Variants in TVP23A observed in about 807,000 individuals in gnomAD.
TVP23A encodes the protein trans-golgi network vesicle protein 23 homolog A, also known as Golgi apparatus membrane protein TVP23 homolog A.
A neutral mutation model predicts 31.7 loss-of-function variants in TVP23A; 21 were observed. That is an observed-to-expected ratio of 0.66 (90% CI 0.47 to 0.95). The LOEUF is 0.95. TVP23A is among the 40% of genes least tolerant of loss of function. TVP23A has a pLI of 0.00. For synonymous variants in TVP23A, 104 were observed against 96.0 expected (o/e 1.08, Z -0.49); for missense variants, 279 against 255.6 (o/e 1.09, Z -0.62).
intron 2 of TVP23A, among the ~76,000 whole-genome samples, chr16:10,794,735 G>A (rs2033292126): frequency 6.6e-6 from 1 of 152,240 alleles, no homozygotes; most frequent in Non-Finnish European, 1.5e-5. Flanking sequence ...CTACTCCCCA[G>A]CTAGGTACCT....
At position 10,774,140 on chromosome 16, in the gene TVP23A, A is replaced by G; in HGVS notation, c.235-12T>C. The G allele has an allele frequency of 6.3e-7, 1 of 1,599,108 alleles. No homozygotes were observed. The highest frequency in any genetic ancestry group is 8.5e-7 in the Non-Finnish European group (1 of 1,170,776). ...CTTCCGGTTACATTCTGAGAACAAT[A>G]GACAAAGGACTCTGAGCAGGTCACA... On this transcript the variant is annotated splice_polypyrimidine_tract_variant and intron_variant, in intron 3 of 7. Coordinates refer to ENST00000299866, the MANE Select transcript of TVP23A (RefSeq NM_001079512.4).
At chr16:10,775,391 G>A (rs2031939031) in intron 2 of TVP23A, 1 of 1,174,220 alleles carries the variant, frequency 8.5e-7, no homozygotes, top group Non-Finnish European at 1.1e-6. Flanking sequence ...CATCTTTGAA[G>A]TGAAACGTGA....
At chr16:10,794,402 C>G (rs2033273340) in intron 2 of TVP23A, among the ~76,000 whole-genome samples, 1 of 152,112 alleles carries the variant, frequency 6.6e-6, no homozygotes, top group Admixed American at 6.6e-5. Context: ...CCAGTATGAC[C>G]TCATGTTAAC....
At chr16:10,800,820 C>A (rs945367101) in intron 2 of TVP23A, among the ~76,000 whole-genome samples, 1 of 151,846 alleles carries the variant, frequency 6.6e-6, no homozygotes, top group African/African-American at 2.4e-5. Context: ...CCCATCTCTA[C>A]TAAAAATAAT....
chr16:10,792,777 CA>C (rs759905072), intron 2 of TVP23A, among the ~76,000 whole-genome samples: 16 of 152,196 alleles, frequency 1.1e-4, no homozygotes, highest in Non-Finnish European at 1.8e-4. Flanking sequence ...CTTCTTAATT[CA>C]AAAGACAGCA....
At position 10,767,521 on chromosome 16, in the gene TVP23A, A is replaced by G; in HGVS notation, c.*1581T>C. 1 of 438,008 alleles carries G rather than the reference A, an allele frequency of 2.3e-6. No individual in the cohort carries two copies. Among genetic ancestry groups the G allele is most frequent in the African/African-American group, 2.0e-5 (1 of 49,656 alleles). The allele number at this position is 438,008 out of a possible 1,614,324, so 27.1% of individuals were successfully genotyped here. ...AAGTGTGCACATTTATATGCGCATA[A>G]TCTTTCTGGAAAGACACCTAGAACA... On this transcript the variant is annotated 3_prime_UTR_variant, in exon 8 of 8. Coordinates refer to ENST00000299866, the MANE Select transcript of TVP23A (RefSeq NM_001079512.4). This position sits in a 1 kb window ranked among gnomAD's most constrained non-coding sequence, Gnocchi z 4.6.
chr16:10,818,330 C>T lies in TVP23A; in HGVS notation c.10-148G>A. On this transcript the variant is annotated intron_variant, in intron 1 of 7. Coordinates refer to ENST00000299866, the MANE Select transcript of TVP23A (RefSeq NM_001079512.4). The surrounding 1 kb of genome is among the most constrained non-coding windows in gnomAD (Gnocchi z 4.7). The stretch of plus-strand genomic sequence containing the variant: ...AGCTGGCGGGGCCCCTCCGCTGCGG[C>T]TGCAGTGCAAAGCCCTCTCCACCCT... 2 of 1,360,662 alleles carry T rather than the reference C, an allele frequency of 1.5e-6. No individual in the cohort carries two copies. Among genetic ancestry groups the T allele is most frequent in the Non-Finnish European group, 1.0e-6 (1 of 993,664 alleles). 84.3% of individuals were successfully genotyped at this position (1,360,662 alleles called of 1,614,324 possible).
chr16:10,774,211 T>C (rs1025997166), intron 3 of TVP23A, 83 bp from the exon 4 acceptor site: 48 of 1,047,838 alleles, frequency 4.6e-5, no homozygotes, highest in Non-Finnish European at 6.6e-5. Context: ...AGTTCCTTGA[T>C]TCATTTCAGA....
At chr16:10,757,874 CA>C (rs1392927256), downstream of TVP23A, 3 of 1,613,244 alleles carry the variant, frequency 1.9e-6, no homozygotes, top group East Asian at 4.5e-5. This position sits in a 1 kb window ranked among gnomAD's most constrained non-coding sequence, Gnocchi z 4.1. Flanking sequence ...TCTTTCTAGG[CA>C]TGATCAAGCA....
chr16:10,761,735 C>T (rs756397997), downstream of TVP23A: 8 of 1,585,290 alleles, frequency 5.0e-6, no homozygotes, highest in Non-Finnish European at 2.6e-6. Flanking sequence ...TATGTTTCCT[C>T]CCCTTTGAAT....
At chr16:10,791,390 T>A (rs549550867) in intron 2 of TVP23A, among the ~76,000 whole-genome samples, 1 of 152,204 alleles carries the variant, frequency 6.6e-6, no homozygotes, top group Admixed American at 6.5e-5. Flanking sequence ...GGTATGGGAG[T>A]ACCAACTAAG....
At chr16:10,759,651 C>T (rs753634199), downstream of TVP23A, among the ~76,000 whole-genome samples, 8 of 152,140 alleles carry the variant, frequency 5.3e-5, no homozygotes, top group Non-Finnish European at 1.2e-4. The surrounding 1 kb of genome is among the most constrained non-coding windows in gnomAD (Gnocchi z 4.7). Context: ...TGGTGGGCAC[C>T]TGTAATCCCA....
chr16:10,757,615 A>G (rs1441029679), downstream of TVP23A, among the ~76,000 whole-genome samples: 3 of 152,166 alleles, frequency 2.0e-5, no homozygotes, highest in East Asian at 1.9e-4. This position sits in a 1 kb window ranked among gnomAD's most constrained non-coding sequence, Gnocchi z 4.1. Context: ...ATTCACTCCC[A>G]GTTGAGAGCC....
intron 7 of TVP23A, chr16:10,769,342 C>T (rs1482133639): frequency 2.0e-5 from 9 of 451,650 alleles, no homozygotes; most frequent in Non-Finnish European, 3.5e-5. Flanking sequence ...ATAAAACCCC[C>T]TCAAATCTCT....
chr16:10,778,880 T>G (rs2032248913), intron 2 of TVP23A, among the ~76,000 whole-genome samples: 1 of 151,970 alleles, frequency 6.6e-6, no homozygotes, highest in African/African-American at 2.4e-5. Context: ...GCAGGAGAAT[T>G]GCTTGAACCT....
chr16:10,802,908 G>A (rs958687704), intron 2 of TVP23A, among the ~76,000 whole-genome samples: 3 of 152,158 alleles, frequency 2.0e-5, no homozygotes, highest in Admixed American at 1.3e-4. Context: ...ATTGCGCAAG[G>A]ATACAGAATT....
intron 2 of TVP23A, among the ~76,000 whole-genome samples, chr16:10,789,220 G>C (rs1209566784): frequency 6.6e-6 from 1 of 152,178 alleles, no homozygotes; most frequent in Non-Finnish European, 1.5e-5. Flanking sequence ...CCTTAAAAAG[G>C]CACCACTCTT....
At position 10,818,677 on chromosome 16, in the gene TVP23A, T is replaced by TGCG; in HGVS notation, c.-185_-184insCGC. ...CGGGTGGGGCGGGGCGCTCGGGGCC[T>TGCG]AAGGCGCAGTCGCAGGCTGGGGAGG... is the stretch of plus-strand genomic sequence containing the variant. On this transcript the variant is annotated 5_prime_UTR_variant, in exon 1 of 8. Transcript: ENST00000299866. This position sits in a 1 kb window ranked among gnomAD's most constrained non-coding sequence, Gnocchi z 4.7. 1.6e-6 allele frequency: 1 copy of TGCG among 644,140 alleles called. No homozygotes were observed. The highest frequency in any genetic ancestry group is 2.4e-6 in the Non-Finnish European group (1 of 414,534). 39.9% of individuals were successfully genotyped at this position (644,140 alleles called of 1,614,324 possible).
At chr16:10,784,142 T>G (rs1400263633) in intron 2 of TVP23A, among the ~76,000 whole-genome samples, 1 of 152,036 alleles carries the variant, frequency 6.6e-6, no homozygotes, top group Admixed American at 6.6e-5. Flanking sequence ...AAGACCAGCC[T>G]GGCCAACATG....
Sources: gnomAD v4.1 joint callset for allele counts (sites outside exome capture counted in the v4.1 genomes callset) on GRCh38, gnomAD v4.1.1 for gene constraint, Gnocchi (gnomAD v3.1) non-coding constraint, MANE v1.5 for transcripts, NCBI Gene and HGNC (gene_info 2026-07-23, HGNC 2026-07-21) for gene names.